ACO1: variants seen among roughly 807,000 people sequenced by gnomAD.
ACO1 encodes the protein aconitase 1, also known as cytoplasmic aconitate hydratase.
ACO1 carries 78 observed loss-of-function variants against 105.1 expected under a neutral mutation model. The ratio of observed to expected loss-of-function variants is 0.74; its 90% CI spans 0.62 to 0.90. ACO1 has a LOEUF of 0.90. Ranked by LOEUF, ACO1 falls within the 40% of genes least tolerant of loss-of-function variation. The pLI is 0.00. For synonymous variants in ACO1, 364 were observed against 397.4 expected (o/e 0.92, Z 1.00); for missense variants, 965 against 1,111.1 (o/e 0.87, Z 1.87).
At chr9:32,415,721 C>A (rs1821833403) in intron 4 of ACO1, among the ~76,000 whole-genome samples, 1 of 152,164 alleles carries the variant, frequency 6.6e-6, no homozygotes, top group African/African-American at 2.4e-5. Context: ...CGGGGTCCCT[C>A]CTTTCTCTCC....
chr9:32,410,690 T>C (rs1191788091), intron 4 of ACO1, among the ~76,000 whole-genome samples: 1 of 152,126 alleles, frequency 6.6e-6, no homozygotes, highest in Non-Finnish European at 1.5e-5. Flanking sequence ...TGTCCTTTTC[T>C]CCAAAAGGCA....
rs374943137 is a variant in ACO1 at position 32,450,207 on chromosome 9, G to T, written c.*96G>T. On this transcript the variant is annotated 3_prime_UTR_variant, in exon 21 of 21. Coordinates refer to ENST00000309951, the MANE Select transcript of ACO1 (RefSeq NM_002197.3). ...GCCTCCCTGGCTGCCTCTGGGAGGG[G>T]TGCTGCCTTGTAGATGGAGCAAGTG... is the stretch of plus-strand genomic sequence containing the variant. 71 of 936,532 alleles carry T rather than the reference G, an allele frequency of 7.6e-5. No homozygotes were observed. Among genetic ancestry groups the T allele is most frequent in the Non-Finnish European group, 3.4e-5 (19 of 566,152 alleles). The allele number at this position is 936,532 out of a possible 1,614,324, so 58.0% of individuals were successfully genotyped here. A position where few individuals can be genotyped will look rare whatever the true frequency, so the allele number is the denominator to read the frequency against.
chr9:32,423,185 C>A, intron 8 of ACO1, 134 bp from the exon 9 acceptor site: 1 of 528,302 alleles, frequency 1.9e-6, no homozygotes, highest in Non-Finnish European at 3.3e-6. Flanking sequence ...TAAAAATTGA[C>A]AGAGCTGTTG....
At chr9:32,395,049 A>G (rs1274245807) in intron 1 of ACO1, among the ~76,000 whole-genome samples, 1 of 152,226 alleles carries the variant, frequency 6.6e-6, no homozygotes, top group Non-Finnish European at 1.5e-5. Context: ...CATTGCCACA[A>G]TCTGCGAAAT....
intron 1 of ACO1, among the ~76,000 whole-genome samples, chr9:32,402,656 T>C (rs5005316): frequency 0.83 from 126,277 of 152,098 alleles, 52,547 homozygotes; most frequent in Middle Eastern, 0.93. Context: ...CAGGGAAAGG[T>C]AGGCTTAGGA....
chr9:32,413,751 A>G (rs1821792065), intron 4 of ACO1, among the ~76,000 whole-genome samples: 1 of 152,186 alleles, frequency 6.6e-6, no homozygotes, highest in Non-Finnish European at 1.5e-5. Context: ...TAGTTTGAAT[A>G]ATACTAATTA....
intron 11 of ACO1, among the ~76,000 whole-genome samples, chr9:32,426,511 G>A (rs1416044990): frequency 6.6e-6 from 1 of 152,168 alleles, no homozygotes; most frequent in East Asian, 1.9e-4. Context: ...TAGTTTCCAA[G>A]TTTTTAGTCA....
intron 11 of ACO1, 83 bp downstream of exon 11, chr9:32,426,080 A>G: frequency 7.0e-7 from 1 of 1,429,496 alleles, no homozygotes; most frequent in Non-Finnish European, 9.6e-7. Context: ...GCCTTGGCGG[A>G]GTTGTACATG....
intron 1 of ACO1, among the ~76,000 whole-genome samples, chr9:32,390,704 C>A (rs1294338733): frequency 6.6e-6 from 1 of 152,110 alleles, no homozygotes. Context: ...CATTTTCTTT[C>A]ATCTGTTTGG....
In ACO1 at chr9:32,406,928, C is replaced by A. The variant is rs144125515; in HGVS notation, c.98-333C>A. On this transcript the variant is annotated intron_variant, in intron 2 of 20. Coordinates refer to ENST00000309951, the MANE Select transcript of ACO1 (RefSeq NM_002197.3). ...CCTCCCCAGTAGCTGGGACTACAGGCACACGCCACAATGCCCAGCTAAGTT... is the reference window on the plus strand; with the variant it reads ...CCTCCCCAGTAGCTGGGACTACAGGAACACGCCACAATGCCCAGCTAAGTT... 3.3e-4 allele frequency among the ~76,000 whole-genome samples: 50 copies of A among 152,294 alleles called. 1 individual carries two copies. In the East Asian group the frequency reaches 9.1e-3, roughly 28 times the overall value.
intron 1 of ACO1, among the ~76,000 whole-genome samples, chr9:32,400,960 T>C (rs1480023342): frequency 6.6e-6 from 1 of 151,988 alleles, no homozygotes; most frequent in Non-Finnish European, 1.5e-5. Context: ...TTTTTTTTTT[T>C]TCACTTAAAT....
At chr9:32,388,657 C>G (rs1275174575) in intron 1 of ACO1, among the ~76,000 whole-genome samples, 2 of 152,084 alleles carry the variant, frequency 1.3e-5, no homozygotes, top group Non-Finnish European at 2.9e-5. Flanking sequence ...ATTACATATT[C>G]CATTCCATGT....
chr9:32,426,602 G>C (rs1822104699), intron 11 of ACO1, among the ~76,000 whole-genome samples: 1 of 152,170 alleles, frequency 6.6e-6, no homozygotes, highest in Admixed American at 6.5e-5. Context: ...CGGGCATTAG[G>C]AAAGCCTTCT....
intron 15 of ACO1, among the ~76,000 whole-genome samples, chr9:32,432,157 G>A (rs575065514): frequency 1.1e-4 from 16 of 152,150 alleles, no homozygotes; most frequent in African/African-American, 3.4e-4. Flanking sequence ...CAGCTGTGGC[G>A]AGGACCCCTG....
At chr9:32,414,147 C>T (rs933292087) in intron 4 of ACO1, among the ~76,000 whole-genome samples, 2 of 151,510 alleles carry the variant, frequency 1.3e-5, no homozygotes, top group Non-Finnish European at 2.9e-5. Context: ...AGTGAGACTC[C>T]GTCTCAAAAA....
At chr9:32,403,511 A>G (rs942602752) in intron 1 of ACO1, among the ~76,000 whole-genome samples, 6 of 152,170 alleles carry the variant, frequency 3.9e-5, no homozygotes, top group African/African-American at 1.4e-4. Context: ...AAAAATACCA[A>G]CTGACTTTGT....
At chr9:32,419,279 A>G in intron 7 of ACO1, 102 bp downstream of exon 7, 1 of 1,274,162 alleles carries the variant, frequency 7.8e-7, no homozygotes, top group South Asian at 2.0e-5. Context: ...CAAGTGCTCT[A>G]GCAATGCAAG....
At chr9:32,414,784 G>C (rs1410355288) in intron 4 of ACO1, among the ~76,000 whole-genome samples, 1 of 152,112 alleles carries the variant, frequency 6.6e-6, no homozygotes, top group African/African-American at 2.4e-5. Context: ...TACCTGTAGT[G>C]GTAGAAATCA....
At chr9:32,426,979 TA>T (rs35503711) in intron 11 of ACO1, among the ~76,000 whole-genome samples, 104,808 of 150,886 alleles carry the variant, frequency 0.69, 36,257 homozygotes, top group Middle Eastern at 0.8. Context: ...ATTTTCCCTC[TA>T]AAAAAAAAAT....
Sources: gnomAD v4.1 joint callset for allele counts (sites outside exome capture counted in the v4.1 genomes callset) on GRCh38, gnomAD v4.1.1 for gene constraint, MANE v1.5 for transcripts, NCBI Gene and HGNC (gene_info 2026-07-23, HGNC 2026-07-21) for gene names.